The following SCP2 variants were observed in gnomAD, a reference collection of about 807,000 sequenced individuals.
The protein encoded by SCP2 is SCP-2/3-oxoacyl-CoA thiolase.
A neutral mutation model predicts 71.4 loss-of-function variants in SCP2; 48 were observed. The ratio of observed to expected loss-of-function variants is 0.67; its 90% CI spans 0.53 to 0.86. SCP2 has a LOEUF of 0.86. Among genes scored for constraint, SCP2 ranks in the 40% least tolerant of loss-of-function variants. SCP2 has a pLI of 0.00. For synonymous variants in SCP2, 220 were observed against 218.1 expected (o/e 1.01, Z -0.08); for missense variants, 560 against 655.6 (o/e 0.85, Z 1.59).
At chr1:53,022,132 C>T (rs1320938124) in intron 12 of SCP2, among the ~76,000 whole-genome samples, 1 of 152,178 alleles carries the variant, frequency 6.6e-6, no homozygotes, top group Non-Finnish European at 1.5e-5. Context: ...CATTAGTAAT[C>T]CCTCCTTCTT....
chr1:53,026,674 G>A (rs956162361), intron 12 of SCP2, among the ~76,000 whole-genome samples: 4 of 152,282 alleles, frequency 2.6e-5, no homozygotes, highest in East Asian at 3.9e-4. Flanking sequence ...GCTGGGCATG[G>A]TGGCATGCGC....
At chr1:52,944,849 G>C (rs955602842) in intron 2 of SCP2, among the ~76,000 whole-genome samples, 1 of 151,868 alleles carries the variant, frequency 6.6e-6, no homozygotes, top group African/African-American at 2.4e-5. Flanking sequence ...GTTTCACCCT[G>C]TTGTCCAGGC....
At chr1:52,945,896 G>A (rs1654740985) in intron 2 of SCP2, among the ~76,000 whole-genome samples, 2 of 151,646 alleles carry the variant, frequency 1.3e-5, no homozygotes, top group Admixed American at 1.3e-4. Context: ...TGGAATTGCA[G>A]GAATAGTGAA....
chr1:53,029,815 C>T (rs1433572580), intron 13 of SCP2, among the ~76,000 whole-genome samples: 1 of 152,190 alleles, frequency 6.6e-6, no homozygotes, highest in Non-Finnish European at 1.5e-5. Context: ...GATGCATCCA[C>T]ATGGGGCTAC....
chr1:53,048,024 A>G, intron 15 of SCP2, 87 bp downstream of exon 15: 1 of 926,614 alleles, frequency 1.1e-6, no homozygotes, highest in East Asian at 2.5e-5. Flanking sequence ...CTAAAGTGCA[A>G]AGTGGTCAGA....
chr1:53,018,866 C>A (rs1661525283), intron 12 of SCP2, among the ~76,000 whole-genome samples: 1 of 152,056 alleles, frequency 6.6e-6, no homozygotes. Flanking sequence ...TTTATTTTTT[C>A]TCCCTGTCAG....
At position 52,927,383 on chromosome 1, in the gene SCP2, G is replaced by A. The variant is rs1290242060; in HGVS notation, c.-14G>A. On this transcript the variant is annotated 5_prime_UTR_variant, in exon 1 of 16. Transcript: ENST00000371514. ...CGTCCGCGGCGCCCGCCCCGGTCCC[G>A]CACTGGTGCAGCCATGTCCTCTTCC... 6.3e-7 allele frequency: 1 copy of A among 1,578,078 alleles called. No homozygotes were observed.
intron 8 of SCP2, among the ~76,000 whole-genome samples, chr1:52,977,145 A>G (rs1046511578): frequency 5.3e-5 from 8 of 152,096 alleles, no homozygotes; most frequent in African/African-American, 1.9e-4. Context: ...GAGTAAAAGT[A>G]AAACAAGGAA....
At chr1:53,045,329 C>G (rs1268130890) in intron 14 of SCP2, among the ~76,000 whole-genome samples, 1 of 152,122 alleles carries the variant, frequency 6.6e-6, no homozygotes, top group Non-Finnish European at 1.5e-5. Context: ...AACATTTACT[C>G]TTTTTTAGGT....
At chr1:53,044,883 ATAAAAT>A (rs1038906741) in intron 14 of SCP2, among the ~76,000 whole-genome samples, 48 of 152,210 alleles carry the variant, frequency 3.2e-4, no homozygotes, top group Non-Finnish European at 6.6e-4. Context: ...TACTTTGATA[ATAAAAT>A]TAATATTTTA....
intron 1 of SCP2, chr1:52,928,737 A>ACC (rs1242119786): frequency 6.5e-6 from 1 of 154,384 alleles, no homozygotes; most frequent in East Asian, 1.9e-4. Context: ...ACGCAACTGC[A>ACC]CCCCCAGCCT....
chr1:52,948,081 G>A lies in SCP2; in HGVS notation c.199+1G>A, dbSNP rs1372136533. 1 of 1,601,294 alleles carries A rather than the reference G, an allele frequency of 6.2e-7. No individual in the cohort carries two copies. Among genetic ancestry groups the A allele is most frequent in the Non-Finnish European group, 8.6e-7 (1 of 1,168,458 alleles). On this transcript the variant is annotated splice_donor_variant, in intron 3 of 15. Coordinates refer to ENST00000371514, the MANE Select transcript of SCP2 (RefSeq NM_002979.5). LOFTEE classifies it high-confidence loss of function. The stretch of plus-strand genomic sequence containing the variant: ...CAGGCATGTGTTGGCTATGTTTTTG[G>A]TATGTATTAAACTGTGTATTCTAAA...
intron 11 of SCP2, among the ~76,000 whole-genome samples, chr1:53,003,998 G>T (rs533464949): frequency 8.5e-5 from 13 of 152,220 alleles, no homozygotes; most frequent in South Asian, 8.3e-4. Context: ...GCGCTTTGGG[G>T]CCATCATTAA....
Position 52,961,611 on chromosome 1 carries a change from G to T in SCP2, c.505G>T (p.Glu169Ter). ...APQMFGYAGK[E>*]HMEKYGTKIE... The stretch of plus-strand genomic sequence containing the variant: ...TCAGATGTTTGGGTATGCTGGAAAA[G>T]AACATATGGAAAAATATGGTATGTT... Residue 169 changes from glutamate (E) to a stop codon, truncating the protein, a stop_gained, in exon 6 of 16, where the codon GAA becomes TAA. Transcript: ENST00000371514. LOFTEE classifies it high-confidence loss of function. 1 of 1,613,772 alleles carries T rather than the reference G, an allele frequency of 6.2e-7. No homozygotes were observed. The highest frequency in any genetic ancestry group is 8.5e-7 in the Non-Finnish European group (1 of 1,179,822).
chr1:53,025,205 C>G (rs571745768), intron 12 of SCP2, among the ~76,000 whole-genome samples: 4 of 151,266 alleles, frequency 2.6e-5, no homozygotes, highest in African/African-American at 9.8e-5. Flanking sequence ...CTCCTGGAAT[C>G]TTGCTCCCGG....
chr1:52,998,679 T>A (rs1200700118), intron 11 of SCP2, among the ~76,000 whole-genome samples: 2 of 152,224 alleles, frequency 1.3e-5, no homozygotes, highest in Non-Finnish European at 2.9e-5. Context: ...AACAGTGGAA[T>A]CATTGTGTCA....
At chr1:52,938,315 G>T (rs1653918048) in intron 1 of SCP2, among the ~76,000 whole-genome samples, 1 of 152,244 alleles carries the variant, frequency 6.6e-6, no homozygotes, top group East Asian at 1.9e-4. Context: ...GGGTTGTGTT[G>T]TAAAATGTAT....
At chr1:52,985,947 G>C (rs1339001049) in intron 10 of SCP2, among the ~76,000 whole-genome samples, 1 of 151,468 alleles carries the variant, frequency 6.6e-6, no homozygotes, top group Non-Finnish European at 1.5e-5. Flanking sequence ...TTTTCCCTTG[G>C]CATTTATCAC....
At position 52,978,304 on chromosome 1, in the gene SCP2, T is replaced by C; in HGVS notation, c.762T>C (p.Ile254=). Residue 254 remains isoleucine (I), a synonymous_variant, in exon 9 of 16, where the codon ATT becomes ATC. Coordinates refer to ENST00000371514, the MANE Select transcript of SCP2 (RefSeq NM_002979.5). ...GCCTGCAATCCAAAGCTGTGGAAAT[T>C]TTGGCACAAGAAATGATGACTGATT... The part of the protein sequence containing the change: ...KYGLQSKAVE[I]LAQEMMTDLP... The C allele has an allele frequency of 6.2e-7, 1 of 1,614,112 alleles. No individual in the cohort carries two copies. The highest frequency in any genetic ancestry group is 8.5e-7 in the Non-Finnish European group (1 of 1,179,980).
Sources: allele counts gnomAD v4.1 joint callset (sites outside exome capture counted in the v4.1 genomes callset), GRCh38; gene constraint gnomAD v4.1.1; transcripts MANE v1.5; gene names NCBI Gene and HGNC (gene_info 2026-07-23, HGNC 2026-07-21).